The following ACBD6 variants were observed in gnomAD, a reference collection of about 807,000 sequenced individuals.
ACBD6 encodes acyl-CoA binding domain containing 6.
In ACBD6, 28 loss-of-function variants were observed where a neutral mutation model predicts 37.2. The ratio of observed to expected loss-of-function variants is 0.75; its 90% CI spans 0.56 to 1.03. The LOEUF is 1.03. ACBD6 is among the 50% of genes least tolerant of loss of function. ACBD6 has a pLI of 0.00. For synonymous variants in ACBD6, 113 were observed against 126.8 expected (o/e 0.89, Z 0.73); for missense variants, 340 against 337.4 (o/e 1.01, Z -0.06).
At chr1:180,429,830 T>A (rs569011382) in intron 4 of ACBD6, among the ~76,000 whole-genome samples, 22 of 152,248 alleles carry the variant, frequency 1.4e-4, no homozygotes, top group African/African-American at 4.8e-4. Context: ...AGACACAACA[T>A]CTTGTCCCAC....
chr1:180,454,715 C>G (rs910507298), intron 3 of ACBD6, among the ~76,000 whole-genome samples: 21 of 152,062 alleles, frequency 1.4e-4, no homozygotes, highest in Admixed American at 3.9e-4. Context: ...CAAAGGATAT[C>G]AATAGACACT....
At chr1:180,429,623 G>T (rs1163249503) in intron 4 of ACBD6, among the ~76,000 whole-genome samples, 1 of 152,100 alleles carries the variant, frequency 6.6e-6, no homozygotes. Context: ...AGAATTGGTG[G>T]ATCATATGGT....
At chr1:180,411,278 C>T (rs974914903) in intron 5 of ACBD6, among the ~76,000 whole-genome samples, 1 of 152,214 alleles carries the variant, frequency 6.6e-6, no homozygotes, top group Non-Finnish European at 1.5e-5. Flanking sequence ...AACATAAACT[C>T]AGTTGATAAA....
chr1:180,365,057 A>G (rs1167809396), intron 6 of ACBD6, among the ~76,000 whole-genome samples: 3 of 152,080 alleles, frequency 2.0e-5, no homozygotes, highest in Non-Finnish European at 4.4e-5. Flanking sequence ...AGATTTTACA[A>G]TTATTATTTA....
intron 9 of ACBD6, among the ~76,000 whole-genome samples, chr1:180,279,315 G>GAGAC (rs1317351630): frequency 1.3e-5 from 2 of 151,804 alleles, no homozygotes; most frequent in South Asian, 2.1e-4. Flanking sequence ...ATTTTTTTTT[G>GAGAC]AGACAGAGTC....
intron 6 of ACBD6, among the ~76,000 whole-genome samples, chr1:180,354,420 A>AT (rs753639941): frequency 6.6e-5 from 10 of 151,522 alleles, no homozygotes; most frequent in South Asian, 2.1e-4. Context: ...CCTTTATGGT[A>AT]TTTTTTTTTA....
intron 3 of ACBD6, among the ~76,000 whole-genome samples, chr1:180,440,607 CT>C (rs1381366632): frequency 6.6e-6 from 1 of 151,248 alleles, no homozygotes; most frequent in Admixed American, 6.6e-5. Flanking sequence ...CCCCATTCCC[CT>C]CTCCCCCAAA....
intron 6 of ACBD6, among the ~76,000 whole-genome samples, chr1:180,384,865 T>C (rs1653791930): frequency 6.6e-6 from 1 of 152,178 alleles, no homozygotes. Flanking sequence ...TGGATAGAAC[T>C]GGAGGCCCTT....
chr1:180,429,354 A>G (rs1648723256), intron 4 of ACBD6, among the ~76,000 whole-genome samples: 1 of 152,184 alleles, frequency 6.6e-6, no homozygotes, highest in Non-Finnish European at 1.5e-5. Context: ...GTATAATCGC[A>G]AAGTGTTTGT....
rs750265011 is a variant in ACBD6, at chr1:180,288,477, G to A, written c.735C>T (p.Leu245=). The change falls in exon 8 of 8, where the codon CTC becomes CTT. Residue 245 remains leucine, a synonymous_variant. Coordinates refer to ENST00000367595, the MANE Select transcript of ACBD6 (RefSeq NM_032360.4). ...GGAGAGTGGGGTCAGCACCAGACTG[G>A]AGCAGCAGCTCTACAATATCCAGAA... ...CEFLDIVELL[L]QSGADPTLRD... 3 of 1,613,698 alleles carry A rather than the reference G, an allele frequency of 1.9e-6. No individual in the cohort carries two copies. The highest frequency in any genetic ancestry group is 3.3e-5 in the Admixed American group (2 of 59,980).
intron 6 of ACBD6, among the ~76,000 whole-genome samples, chr1:180,361,087 C>A (rs1016970653): frequency 6.6e-6 from 1 of 152,064 alleles, no homozygotes. Flanking sequence ...CTAAAACAAG[C>A]CTTTTTTATT....
At chr1:180,356,782 G>A (rs905920462) in intron 6 of ACBD6, among the ~76,000 whole-genome samples, 7 of 151,188 alleles carry the variant, frequency 4.6e-5, no homozygotes, top group African/African-American at 1.5e-4. Context: ...CATGGGCGGC[G>A]GAGGTTGCAA....
chr1:180,299,568 T>A (rs368774309), intron 7 of ACBD6, among the ~76,000 whole-genome samples: 96 of 152,274 alleles, frequency 6.3e-4, no homozygotes, highest in African/African-American at 9.4e-4. Flanking sequence ...TTTCTTTTTT[T>A]TTTTATTTTA....
chr1:180,436,172 C>T (rs1649027140), intron 3 of ACBD6, among the ~76,000 whole-genome samples: 1 of 152,054 alleles, frequency 6.6e-6, no homozygotes, highest in Non-Finnish European at 1.5e-5. Context: ...ACTTGGTGGC[C>T]CCTTTGAGAT....
intron 6 of ACBD6, 148 bp from the exon 7 acceptor site, chr1:180,314,870 G>A (rs905341888): frequency 2.2e-5 from 14 of 628,894 alleles, no homozygotes; most frequent in East Asian, 5.7e-5. Flanking sequence ...GAGCTTCACC[G>A]TAACTTTTGA....
chr1:180,412,252 A>G (rs895567900), intron 5 of ACBD6, among the ~76,000 whole-genome samples: 2 of 152,162 alleles, frequency 1.3e-5, no homozygotes, highest in Non-Finnish European at 2.9e-5. Flanking sequence ...TACATTTTCA[A>G]TTCCAGACAC....
chr1:180,375,601 T>C (rs997048753), intron 6 of ACBD6, among the ~76,000 whole-genome samples: 1 of 152,272 alleles, frequency 6.6e-6, no homozygotes, highest in Non-Finnish European at 1.5e-5. Flanking sequence ...GCTGGAATTA[T>C]AGGCGTGAGC....
chr1:180,396,916 C>T (rs1299125601), intron 6 of ACBD6, among the ~76,000 whole-genome samples: 1 of 152,126 alleles, frequency 6.6e-6, no homozygotes, highest in Non-Finnish European at 1.5e-5. Context: ...CATCAAATTA[C>T]CATATGACCC....
intron 3 of ACBD6, chr1:180,435,673 T>C: frequency 2.2e-6 from 2 of 929,440 alleles, no homozygotes; most frequent in Non-Finnish European, 3.6e-6. Flanking sequence ...GCAGCTCCAT[T>C]TACCAGAAGG....
Sources: allele counts gnomAD v4.1 joint callset (sites outside exome capture counted in the v4.1 genomes callset), GRCh38; gene constraint gnomAD v4.1.1; transcripts MANE v1.5; gene names NCBI Gene and HGNC (gene_info 2026-07-23, HGNC 2026-07-21).